FHOD3: variants seen among roughly 807,000 people sequenced by gnomAD.
FHOD3 encodes formin homology 2 domain containing 3.
A neutral mutation model predicts 173.0 loss-of-function variants in FHOD3; 90 were observed. That is an observed-to-expected ratio of 0.52 (90% CI 0.44 to 0.62). The LOEUF (loss-of-function observed/expected upper bound fraction) is 0.62. Ranked by LOEUF, FHOD3 falls within the 20% of genes least tolerant of loss-of-function variation. The pLI is 0.00. For synonymous variants in FHOD3, 828 were observed against 823.0 expected (o/e 1.01, Z -0.10); for missense variants, 1,945 against 2,034.7 (o/e 0.96, Z 0.85).
chr18:36,611,224 T>G (rs2032639859), intron 8 of FHOD3, among the ~76,000 whole-genome samples: 1 of 152,140 alleles, frequency 6.6e-6, no homozygotes, highest in South Asian at 2.1e-4. Context: ...TTAACAGGAG[T>G]TTCTAATTAC....
chr18:36,664,777 T>TGAGAGAGAGAGAGAGAGAGAGAGAGAGA (rs373836211), intron 14 of FHOD3, among the ~76,000 whole-genome samples: 1 of 129,524 alleles, frequency 7.7e-6, no homozygotes, highest in African/African-American at 2.9e-5. Context: ...TGTGTGTATG[T>TGAGAGAGAGAGAGAGAGAGAGAGAGAGA]GAGAGAGAGA....
At chr18:36,405,071 G>C (rs1477237101) in intron 3 of FHOD3, among the ~76,000 whole-genome samples, 51 of 152,192 alleles carry the variant, frequency 3.4e-4, no homozygotes, top group Admixed American at 3.3e-3. Flanking sequence ...TGCCCTTGGG[G>C]TATCCATAGC....
chr18:36,367,369 G>C (rs1234709855), intron 2 of FHOD3, among the ~76,000 whole-genome samples: 1 of 152,176 alleles, frequency 6.6e-6, no homozygotes, highest in Non-Finnish European at 1.5e-5. Context: ...AAGAGTGGCT[G>C]TTCAGAAGCT....
In FHOD3 at chr18:36,669,213, T is replaced by C. The variant is rs139543789; in HGVS notation, c.1835+11025T>C. Reference sequence around the variant, plus strand: ...GACTCCTTTCATTTGAAATGACCTTTATACCTGGTAACATACTTGATTCTT... The same window carrying C: ...GACTCCTTTCATTTGAAATGACCTTCATACCTGGTAACATACTTGATTCTT... On this transcript the variant is annotated intron_variant, in intron 14 of 28. Coordinates refer to ENST00000590592, the MANE Select transcript of FHOD3 (RefSeq NM_001281740.3). 2.9e-3 allele frequency among the ~76,000 whole-genome samples: 448 copies of C among 152,084 alleles called. 6 individuals carry two copies. The highest frequency in any genetic ancestry group is 0.022 in the Admixed American group (331 of 15,294).
intron 8 of FHOD3, among the ~76,000 whole-genome samples, chr18:36,609,319 G>A (rs1197958549): frequency 6.6e-6 from 1 of 151,568 alleles, no homozygotes; most frequent in Admixed American, 6.6e-5. Context: ...AGGGACAGGT[G>A]GAAGTGTGGT....
intron 17 of FHOD3, among the ~76,000 whole-genome samples, chr18:36,694,938 A>G (rs772286441): frequency 1.3e-4 from 20 of 152,224 alleles, no homozygotes; most frequent in Non-Finnish European, 2.5e-4. Context: ...TTTCAGCTTC[A>G]GTAAGAATAC....
At chr18:36,711,950 C>A (rs2149699602) in intron 18 of FHOD3, among the ~76,000 whole-genome samples, 1 of 152,274 alleles carries the variant, frequency 6.6e-6, no homozygotes, top group Non-Finnish European at 1.5e-5. Context: ...GGTAATAAGG[C>A]AATGTGAGTC....
At chr18:36,371,093 G>A (rs190732381) in intron 2 of FHOD3, among the ~76,000 whole-genome samples, 2 of 152,194 alleles carry the variant, frequency 1.3e-5, no homozygotes, top group African/African-American at 2.4e-5. Flanking sequence ...TGAGACTAAT[G>A]GCTTCCATAT....
At chr18:36,653,778 T>C (rs1259016087) in intron 13 of FHOD3, among the ~76,000 whole-genome samples, 1 of 152,216 alleles carries the variant, frequency 6.6e-6, no homozygotes, top group Non-Finnish European at 1.5e-5. Context: ...TAGTTGATCA[T>C]TCTAATGACC....
chr18:36,659,996 C>T (rs774830830), intron 14 of FHOD3, among the ~76,000 whole-genome samples: 6 of 152,070 alleles, frequency 3.9e-5, no homozygotes, highest in Non-Finnish European at 5.9e-5. Flanking sequence ...AGAGCCTGGG[C>T]GCGGTGGCTC....
At chr18:36,641,324 C>T (rs910849253) in intron 10 of FHOD3, among the ~76,000 whole-genome samples, 1 of 152,006 alleles carries the variant, frequency 6.6e-6, no homozygotes, top group South Asian at 2.1e-4. Flanking sequence ...TGAGGAGGTT[C>T]ACGAAGGGAA....
At chr18:36,303,485 C>G (rs2092009378) in intron 1 of FHOD3, among the ~76,000 whole-genome samples, 2 of 152,154 alleles carry the variant, frequency 1.3e-5, no homozygotes, top group Admixed American at 1.3e-4. Flanking sequence ...TGTCCTCGGA[C>G]TCCAACCTGA....
At chr18:36,560,557 T>C (rs190736170) in intron 5 of FHOD3, among the ~76,000 whole-genome samples, 2 of 152,322 alleles carry the variant, frequency 1.3e-5, no homozygotes, top group East Asian at 3.9e-4. Context: ...ACCATTGCAG[T>C]GCTCTGTCCA....
At chr18:36,578,368 T>C (rs1417125876) in intron 6 of FHOD3, among the ~76,000 whole-genome samples, 3 of 152,154 alleles carry the variant, frequency 2.0e-5, no homozygotes, top group African/African-American at 7.2e-5. Flanking sequence ...TTATTCACTA[T>C]CATGAGAAAA....
chr18:36,587,936 A>G (rs953220550), intron 6 of FHOD3, among the ~76,000 whole-genome samples: 4 of 152,202 alleles, frequency 2.6e-5, no homozygotes, highest in African/African-American at 9.7e-5. Context: ...ACCTTCTGCA[A>G]ATTGCATTGT....
Position 36,681,495 on chromosome 18 carries a change from CAGAG to C in FHOD3, c.1904_1907del (p.Glu635GlyfsTer13). On this transcript the variant is annotated frameshift_variant, in exon 15 of 29. Coordinates refer to ENST00000590592, the MANE Select transcript of FHOD3 (RefSeq NM_001281740.3). LOFTEE classifies it high-confidence loss of function. ...AGGCAGCACCAAGAGTCACTGGCAG[CAGAG>C]AGAGAGAGGCGGCGGCAGGAGAGAG... The C allele has an allele frequency of 6.2e-7, 1 of 1,601,242 alleles. No homozygotes were observed. The highest frequency in any genetic ancestry group is 8.5e-7 in the Non-Finnish European group (1 of 1,171,306).
chr18:36,543,333 T>C (rs576080781), intron 5 of FHOD3, among the ~76,000 whole-genome samples: 10 of 152,180 alleles, frequency 6.6e-5, no homozygotes, highest in Non-Finnish European at 1.3e-4. Flanking sequence ...ACATTTCCTA[T>C]GGGTTCTATT....
intron 1 of FHOD3, among the ~76,000 whole-genome samples, chr18:36,322,460 G>A (rs1475957615): frequency 6.6e-6 from 1 of 152,120 alleles, no homozygotes; most frequent in Non-Finnish European, 1.5e-5. Context: ...GGGTGAAGGG[G>A]TAAGGCAGGA....
chr18:36,720,599 A>G (rs1005344274), intron 19 of FHOD3, among the ~76,000 whole-genome samples: 1 of 152,128 alleles, frequency 6.6e-6, no homozygotes, highest in Admixed American at 6.5e-5. Context: ...CGATTAAGAC[A>G]GCAGTCTGTG....
Sources: gnomAD v4.1 joint callset for allele counts (sites outside exome capture counted in the v4.1 genomes callset) on GRCh38, gnomAD v4.1.1 for gene constraint, MANE v1.5 for transcripts, NCBI Gene and HGNC (gene_info 2026-07-23, HGNC 2026-07-21) for gene names.